The following MACF1 variants were observed in gnomAD, a reference collection of about 807,000 sequenced individuals.
The protein encoded by MACF1 is microtubule actin crosslinking factor 1.
Under a neutral mutation model 854.8 loss-of-function variants are expected in MACF1, and 193 were observed. The ratio of observed to expected loss-of-function variants is 0.23; its 90% CI spans 0.20 to 0.25. The LOEUF (loss-of-function observed/expected upper bound fraction) is 0.25. Among genes scored for constraint, MACF1 ranks in the 10% least tolerant of loss-of-function variants. The probability of loss-of-function intolerance (pLI) is 1.00; values close to 1 mark genes in which losing one functional copy is unlikely to be tolerated. For missense variants in MACF1, 7,722 were observed against 8,929.1 expected (o/e 0.86, Z 5.45); for synonymous variants, 3,185 against 3,226.7 (o/e 0.99, Z 0.44).
Position 39,441,340 on chromosome 1 carries a change from G to A in MACF1, c.18672+15G>A, listed in dbSNP as rs1159352683. 14 of 1,598,070 alleles carry A rather than the reference G, an allele frequency of 8.8e-6. No individual in the cohort carries two copies. The highest frequency in any genetic ancestry group is 1.7e-5 in the Admixed American group (1 of 59,092). The stretch of plus-strand genomic sequence containing the variant: ...ACACTCTTCAGGTGAGAGGCCAGGA[G>A]GTGACCACCAAGGAAATACAGGTTC... On this transcript the variant is annotated intron_variant, in intron 74 of 100. Transcript: ENST00000564288.
At chr1:39,181,684 G>C (rs1194854842) in intron 2 of MACF1, among the ~76,000 whole-genome samples, 1 of 152,166 alleles carries the variant, frequency 6.6e-6, no homozygotes, top group Non-Finnish European at 1.5e-5. Flanking sequence ...ATTAAGACAG[G>C]ATGGTACTGG....
At chr1:39,391,748 AC>A (rs1356440692) in intron 58 of MACF1, among the ~76,000 whole-genome samples, 2 of 152,226 alleles carry the variant, frequency 1.3e-5, no homozygotes, top group Non-Finnish European at 2.9e-5. Flanking sequence ...ACTGGGCATT[AC>A]TTTATCTTAT....
rs758639747 is a variant in MACF1, at chr1:39,360,827, T to C, written c.12279T>C (p.Tyr4093=). Residue 4093 remains tyrosine (Y), a synonymous_variant, in exon 48 of 101, where the codon TAT becomes TAC. Transcript: ENST00000564288. ...SILSHFQSLS[Y]SLAERSSLLQ... ...TCAGCCACTTCCAAAGCCTCTCCTA[T>C]AGCCTGGCTGAGCGATCTTCTCTGC... 5.6e-6 allele frequency: 9 copies of C among 1,614,114 alleles called. No individual in the cohort carries two copies. The highest frequency in any genetic ancestry group is 3.3e-5 in the Admixed American group (2 of 60,014).
chr1:39,379,018 A>G (rs1006920060), intron 53 of MACF1, among the ~76,000 whole-genome samples, 185 bp from the exon 54 acceptor site: 1 of 152,206 alleles, frequency 6.6e-6, no homozygotes, highest in Non-Finnish European at 1.5e-5. Context: ...CCAAAACCAG[A>G]AAGCAGATTA....
At chr1:39,445,916 T>TG (rs34510642) in intron 80 of MACF1, among the ~76,000 whole-genome samples, 3,713 of 152,276 alleles carry the variant, frequency 0.024, 117 homozygotes, top group East Asian at 0.17. Context: ...GCAGTGATGG[T>TG]GCCCCTGCAT....
chr1:39,324,631 A>T lies in MACF1; in HGVS notation c.4390-15A>T, dbSNP rs1162561201. The T allele has an allele frequency of 1.9e-6, 3 of 1,587,846 alleles. No individual in the cohort carries two copies. The highest frequency in any genetic ancestry group is 1.7e-4 in the Middle Eastern group (1 of 5,926). ...TTGGGTTTTGAAGCTTTTTCTCTTTATTTCTACCATGTAGGTTCTGTCAGA... is the reference window on the plus strand; with the variant it reads ...TTGGGTTTTGAAGCTTTTTCTCTTTTTTTCTACCATGTAGGTTCTGTCAGA... On this transcript the variant is annotated splice_polypyrimidine_tract_variant and intron_variant, in intron 34 of 100. Transcript: ENST00000564288.
At chr1:39,350,728 G>A in intron 42 of MACF1, 57 bp from the exon 43 acceptor site, 1 of 1,234,450 alleles carries the variant, frequency 8.1e-7, no homozygotes, top group Non-Finnish European at 1.2e-6. Context: ...TATACCATTA[G>A]AGGACTTAGA....
intron 2 of MACF1, among the ~76,000 whole-genome samples, chr1:39,147,793 A>G (rs1218210150): frequency 6.6e-6 from 1 of 152,160 alleles, no homozygotes; most frequent in East Asian, 1.9e-4. Context: ...CTGATTGGAC[A>G]CTAAGTTCTG....
chr1:39,281,065 A>G (rs1645534657), intron 6 of MACF1, among the ~76,000 whole-genome samples: 1 of 152,178 alleles, frequency 6.6e-6, no homozygotes, highest in Non-Finnish European at 1.5e-5. Flanking sequence ...GCAACCCTGA[A>G]AAGGTGGTAT....
chr1:39,423,346 A>T (rs574376545), intron 60 of MACF1, among the ~76,000 whole-genome samples: 2 of 152,150 alleles, frequency 1.3e-5, no homozygotes, highest in Non-Finnish European at 1.5e-5. Flanking sequence ...TAAAAATTGT[A>T]TATGTTTGGC....
At chr1:39,181,041 G>T (rs1644098721) in intron 2 of MACF1, among the ~76,000 whole-genome samples, 1 of 152,172 alleles carries the variant, frequency 6.6e-6, no homozygotes. Flanking sequence ...GAGCAGCTGG[G>T]ACTACAGGCG....
chr1:39,112,938 A>AC (rs1206629270), intron 2 of MACF1, among the ~76,000 whole-genome samples: 1 of 151,576 alleles, frequency 6.6e-6, no homozygotes, highest in Non-Finnish European at 1.5e-5. Flanking sequence ...AGCTATCATC[A>AC]CCCCACTGTA....
In MACF1 at chr1:39,084,529, T is replaced by C. The variant is rs1571019373; in HGVS notation, c.220+91T>C. 1.6e-5 allele frequency: 16 copies of C among 1,005,932 alleles called. No individual in the cohort carries two copies. The Middle Eastern group carries it at 1.3e-3, about 83-fold the overall frequency. The allele number at this position is 1,005,932 out of a possible 1,614,324, so 62.3% of individuals were successfully genotyped here. The stretch of plus-strand genomic sequence containing the variant: ...AGCTGTGTGGGGAGCCGAGGGGTCC[T>C]CACCAGGGCCTCTGACAAAGCAGCC... On this transcript the variant is annotated intron_variant, in intron 2 of 93. Transcript: ENST00000361689. The surrounding 1 kb of genome is among the most constrained non-coding windows in gnomAD (Gnocchi z 5.2).
intron 17 of MACF1, among the ~76,000 whole-genome samples, chr1:39,293,252 C>T (rs962787089): frequency 1.8e-4 from 28 of 152,136 alleles, no homozygotes; most frequent in African/African-American, 6.0e-4. Flanking sequence ...CCACAAAGGC[C>T]TTATGAATTC....
chr1:39,124,710 C>T (rs765761695), intron 2 of MACF1, among the ~76,000 whole-genome samples: 1 of 152,216 alleles, frequency 6.6e-6, no homozygotes, highest in Non-Finnish European at 1.5e-5. Context: ...GCAGCATTAA[C>T]ACATCTTGTA....
At chr1:39,397,125 C>T (rs577750874) in intron 58 of MACF1, among the ~76,000 whole-genome samples, 1 of 152,168 alleles carries the variant, frequency 6.6e-6, no homozygotes, top group South Asian at 2.1e-4. Flanking sequence ...GGCAGTTGCT[C>T]TGTGCTAGTC....
intron 45 of MACF1, among the ~76,000 whole-genome samples, chr1:39,358,166 GTATC>G (rs1175568066): frequency 1.3e-5 from 2 of 152,242 alleles, no homozygotes; most frequent in Admixed American, 6.5e-5. Context: ...TCCCCTTCCT[GTATC>G]CTGACCAGCA....
intron 93 of MACF1, among the ~76,000 whole-genome samples, chr1:39,463,017 T>A (rs1644584924): frequency 6.6e-6 from 1 of 152,188 alleles, no homozygotes; most frequent in Non-Finnish European, 1.5e-5. Flanking sequence ...GCAAGCATAT[T>A]AGCACTTTTC....
At chr1:39,305,772 G>C (rs1256468630) in intron 23 of MACF1, among the ~76,000 whole-genome samples, 1 of 152,118 alleles carries the variant, frequency 6.6e-6, no homozygotes, top group Non-Finnish European at 1.5e-5. Flanking sequence ...TCTTTCCTCT[G>C]TTTCTCACAC....
Sources: allele counts gnomAD v4.1 joint callset (sites outside exome capture counted in the v4.1 genomes callset), GRCh38; gene constraint gnomAD v4.1.1; non-coding constraint Gnocchi (gnomAD v3.1); transcripts MANE v1.5; gene names NCBI Gene and HGNC (gene_info 2026-07-23, HGNC 2026-07-21).